The following SWAP70 variants were observed in gnomAD, a reference collection of about 807,000 sequenced individuals.
SWAP70 encodes the protein switching B cell complex subunit SWAP70, also known as switch-associated protein 70.
A neutral mutation model predicts 80.2 loss-of-function variants in SWAP70; 34 were observed. The ratio of observed to expected loss-of-function variants is 0.42; its 90% confidence interval spans 0.32 to 0.56. The LOEUF is 0.56. Ranked by LOEUF, SWAP70 falls within the 20% of genes least tolerant of loss-of-function variation. The pLI, the probability that SWAP70 is intolerant of heterozygous loss-of-function variation, is 0.09. For synonymous variants in SWAP70, 239 were observed against 238.5 expected (o/e 1.00, Z -0.02); for missense variants, 578 against 690.7 (o/e 0.84, Z 1.83).
intron 1 of SWAP70, 129 bp downstream of exon 1, chr11:9,664,407 C>A (rs1368951837): frequency 8.0e-6 from 8 of 1,001,300 alleles, no homozygotes; most frequent in Non-Finnish European, 1.2e-5. Context: ...CCGGTAGGCC[C>A]GCTTGGGGCG....
At chr11:9,727,319 CAG>C in intron 4 of SWAP70, among the ~76,000 whole-genome samples, 1 of 152,086 alleles carries the variant, frequency 6.6e-6, no homozygotes, top group Non-Finnish European at 1.5e-5. Context: ...ACCTAGGAGG[CAG>C]AGAGGTTGCA....
intron 4 of SWAP70, among the ~76,000 whole-genome samples, chr11:9,725,695 T>C (rs7928658): frequency 1 from 150,426 of 150,468 alleles, 75,192 homozygotes; most frequent in Middle Eastern, 1. Context: ...CCTCAGCCTT[T>C]TGAGTAGCTG....
intron 1 of SWAP70, 122 bp from the exon 2 acceptor site, chr11:9,694,024 T>G (rs1446668005): frequency 6.3e-6 from 8 of 1,261,646 alleles, no homozygotes; most frequent in East Asian, 2.6e-5. Flanking sequence ...CCTCACCCTG[T>G]TTTTGCTAGT....
chr11:9,682,907 C>G (rs1246707193), intron 1 of SWAP70, among the ~76,000 whole-genome samples: 2 of 152,090 alleles, frequency 1.3e-5, no homozygotes, highest in East Asian at 3.8e-4. Context: ...AAACTCCTGG[C>G]CTGAAGTGAT....
chr11:9,740,267 G>A lies in SWAP70; in HGVS notation c.1275G>A (p.Met425Ile). The A allele has an allele frequency of 1.2e-6, 2 of 1,614,228 alleles. No homozygotes were observed. The highest frequency in any genetic ancestry group is 1.7e-5 in the Admixed American group (1 of 60,024). ...YLQRVRELED[M>I]YLKLQEALED... Reference sequence around the variant, plus strand: ...AGCGAGTACGGGAGCTGGAAGACATGTACCTAAAGCTGCAGGAGGCTCTTG... The same window carrying A: ...AGCGAGTACGGGAGCTGGAAGACATATACCTAAAGCTGCAGGAGGCTCTTG... Residue 425 changes from methionine to isoleucine, a missense_variant, in exon 9 of 12, where the codon ATG (methionine) becomes ATA (isoleucine). Coordinates refer to ENST00000318950, the MANE Select transcript of SWAP70 (RefSeq NM_015055.4).
At chr11:9,690,599 T>C (rs970242562) in intron 1 of SWAP70, among the ~76,000 whole-genome samples, 8 of 151,492 alleles carry the variant, frequency 5.3e-5, no homozygotes, top group African/African-American at 1.9e-4. Context: ...CAAAAAACCT[T>C]GTTGAGACTG....
chr11:9,671,938 A>C (rs1474658230), intron 1 of SWAP70, among the ~76,000 whole-genome samples: 18 of 110,012 alleles, frequency 1.6e-4, no homozygotes, highest in Non-Finnish European at 3.0e-4. Flanking sequence ...ATATTTTATA[A>C]TATATTTTAT....
At chr11:9,727,507 G>T (rs951261678) in intron 4 of SWAP70, among the ~76,000 whole-genome samples, 1 of 152,154 alleles carries the variant, frequency 6.6e-6, no homozygotes, top group Non-Finnish European at 1.5e-5. Flanking sequence ...TTACAGGCAT[G>T]AGCCACTGCA....
intron 3 of SWAP70, among the ~76,000 whole-genome samples, chr11:9,715,642 CAAGAG>C (rs1851056630): frequency 6.6e-6 from 1 of 152,164 alleles, no homozygotes; most frequent in Admixed American, 6.5e-5. Flanking sequence ...TGGTGGCAGA[CAAGAG>C]AAGAGAGCTT....
At chr11:9,676,899 TGCCTCGGCCTCCCAA>T (rs1268739267) in intron 1 of SWAP70, among the ~76,000 whole-genome samples, 2 of 152,048 alleles carry the variant, frequency 1.3e-5, no homozygotes, top group Non-Finnish European at 1.5e-5. Context: ...GTGATCCGCC[TGCCTCGGCCTCCCAA>T]AGTGCTGGGA....
intron 3 of SWAP70, among the ~76,000 whole-genome samples, chr11:9,723,882 C>T (rs534073023): frequency 6.6e-6 from 1 of 151,356 alleles, no homozygotes; most frequent in South Asian, 2.1e-4. Context: ...AAACGATTCT[C>T]ATGCCTCAGC....
chr11:9,711,574 T>C (rs1850999007), intron 2 of SWAP70, among the ~76,000 whole-genome samples: 1 of 152,198 alleles, frequency 6.6e-6, no homozygotes, highest in Non-Finnish European at 1.5e-5. Context: ...TGACCCAGGC[T>C]CAGCCAGTAG....
chr11:9,667,220 A>G (rs1850318213), intron 1 of SWAP70, among the ~76,000 whole-genome samples: 1 of 144,506 alleles, frequency 6.9e-6, no homozygotes, highest in Non-Finnish European at 1.5e-5. Flanking sequence ...TAGAACCAAG[A>G]TTTTCACACT....
At chr11:9,716,593 C>T (rs1851069097) in intron 3 of SWAP70, among the ~76,000 whole-genome samples, 1 of 152,180 alleles carries the variant, frequency 6.6e-6, no homozygotes, top group African/African-American at 2.4e-5. Context: ...GTATGTGAAA[C>T]ATTTATTAAA....
intron 9 of SWAP70, among the ~76,000 whole-genome samples, chr11:9,746,243 G>T (rs1413594299): frequency 6.6e-6 from 1 of 152,152 alleles, no homozygotes; most frequent in Non-Finnish European, 1.5e-5. Flanking sequence ...GGATTCTATA[G>T]CGGGAAATGA....
intron 10 of SWAP70, among the ~76,000 whole-genome samples, chr11:9,748,432 C>A (rs1475241240): frequency 6.6e-6 from 1 of 152,300 alleles, no homozygotes; most frequent in Middle Eastern, 3.4e-3. Flanking sequence ...TGCTTCTTGC[C>A]CCTTAACCCC....
intron 4 of SWAP70, among the ~76,000 whole-genome samples, chr11:9,725,569 A>ATTTTTTTT (rs746391271): frequency 7.5e-5 from 2 of 26,614 alleles, no homozygotes; most frequent in African/African-American, 3.1e-4. Context: ...ATATATATAT[A>ATTTTTTTT]TTTTTTTTTT....
chr11:9,691,219 G>A (rs1850694181), intron 1 of SWAP70, among the ~76,000 whole-genome samples: 1 of 152,192 alleles, frequency 6.6e-6, no homozygotes, highest in Admixed American at 6.5e-5. Flanking sequence ...TGCCCAGCCT[G>A]TTGTTATATT....
At position 9,664,285 on chromosome 11, in the gene SWAP70, G is replaced by A. The variant is rs1028450224; in HGVS notation, c.99+7G>A. On this transcript the variant is annotated splice_region_variant and intron_variant, in intron 1 of 11. Transcript: ENST00000318950. Reference sequence around the variant, plus strand: ...CTCCAAGTCCCAGCTCAAGGTGGGCGCCTCCTGACCCGGCCCCCCACCCGA... The same window carrying A: ...CTCCAAGTCCCAGCTCAAGGTGGGCACCTCCTGACCCGGCCCCCCACCCGA... 1.9e-6 allele frequency: 3 copies of A among 1,561,126 alleles called. No individual in the cohort carries two copies. Among genetic ancestry groups the A allele is most frequent in the East Asian group, 4.8e-5 (2 of 41,358 alleles).
Sources: gnomAD v4.1 joint callset for allele counts (sites outside exome capture counted in the v4.1 genomes callset) on GRCh38, gnomAD v4.1.1 for gene constraint, MANE v1.5 for transcripts, NCBI Gene and HGNC (gene_info 2026-07-23, HGNC 2026-07-21) for gene names.